The following DAB1 variants were observed in gnomAD, a reference collection of about 807,000 sequenced individuals.
DAB1 encodes the protein DAB adaptor protein 1.
In DAB1, 15 loss-of-function variants were observed where a neutral mutation model predicts 64.6. That is an observed-to-expected ratio of 0.23 (90% confidence interval 0.16 to 0.36). The LOEUF is 0.36. DAB1 is among the 10% of genes least tolerant of loss of function. The pLI is 1.00. For synonymous variants in DAB1, 235 were observed against 251.9 expected, an observed-to-expected ratio of 0.93 and a Z score of 0.64; for missense variants, 596 against 706.7, an observed-to-expected ratio of 0.84 and a Z score of 1.78.
intron 5 of DAB1, among the ~76,000 whole-genome samples, chr1:57,934,720 G>A (rs945846826): frequency 6.6e-6 from 1 of 152,124 alleles, no homozygotes; most frequent in East Asian, 1.9e-4. Context: ...CTAACTCTGA[G>A]GCTCGTATTC....
At chr1:58,029,692 A>G (rs776643580) in intron 5 of DAB1, among the ~76,000 whole-genome samples, 1 of 152,234 alleles carries the variant, frequency 6.6e-6, no homozygotes, top group African/African-American at 2.4e-5. Flanking sequence ...TAAAATGATC[A>G]GATGAGGAAA....
intron 2 of DAB1, among the ~76,000 whole-genome samples, chr1:57,177,344 C>T (rs1044811304): frequency 3.3e-5 from 5 of 152,112 alleles, no homozygotes; most frequent in Admixed American, 6.6e-5. Flanking sequence ...GTAGGATAAA[C>T]AGGTTAATAA....
At chr1:58,204,517 G>A (rs1570480679) in intron 4 of DAB1, among the ~76,000 whole-genome samples, 1 of 152,268 alleles carries the variant, frequency 6.6e-6, no homozygotes, top group South Asian at 2.1e-4. Context: ...GCATGGAAGG[G>A]CAGAAGCCCA....
chr1:58,417,328 C>T (rs1644730447), intron 3 of DAB1, among the ~76,000 whole-genome samples: 1 of 152,258 alleles, frequency 6.6e-6, no homozygotes, highest in African/African-American at 2.4e-5. Context: ...GGGGCGGGAT[C>T]TTGGGAGGAG....
chr1:57,650,987 A>G (rs1273448212), intron 6 of DAB1, among the ~76,000 whole-genome samples: 1 of 152,166 alleles, frequency 6.6e-6, no homozygotes, highest in African/African-American at 2.4e-5. Flanking sequence ...GTGTGAATGA[A>G]GGAACAAAAG....
chr1:57,712,459 T>C (rs1194285450), intron 6 of DAB1, among the ~76,000 whole-genome samples: 1 of 152,246 alleles, frequency 6.6e-6, no homozygotes, highest in Non-Finnish European at 1.5e-5. Context: ...TTTTTGGGAA[T>C]TGTGTAGCAA....
intron 9 of DAB1, among the ~76,000 whole-genome samples, chr1:57,031,094 T>G (rs1341754410): frequency 6.6e-6 from 1 of 152,220 alleles, no homozygotes; most frequent in African/African-American, 2.4e-5. Flanking sequence ...AGACTTTCCT[T>G]TTGCCAGATG....
intron 4 of DAB1, among the ~76,000 whole-genome samples, chr1:58,317,923 T>G (rs1385071793): frequency 1.3e-5 from 2 of 152,248 alleles, no homozygotes; most frequent in Non-Finnish European, 2.9e-5. Flanking sequence ...GACAGTGAGT[T>G]CTGCAAAGTC....
chr1:57,112,596 G>A (rs1158491311), intron 4 of DAB1, among the ~76,000 whole-genome samples: 4 of 152,070 alleles, frequency 2.6e-5, no homozygotes, highest in African/African-American at 9.7e-5. Flanking sequence ...AACTCAAGGG[G>A]CCAGTCATAA....
At chr1:57,134,192 C>A (rs1158260984) in intron 4 of DAB1, among the ~76,000 whole-genome samples, 1 of 152,148 alleles carries the variant, frequency 6.6e-6, no homozygotes, top group Admixed American at 6.6e-5. Context: ...TACTGATAAA[C>A]AGAAACCACC....
chr1:58,300,646 GAGGAAGGAAGGAAGGAAGGA>G (rs750819465), intron 4 of DAB1, among the ~76,000 whole-genome samples: 15 of 57,288 alleles, frequency 2.6e-4, no homozygotes, highest in African/African-American at 7.4e-4. Flanking sequence ...GAGAGAGAGA[GAGGAAGGAAGGAAGGAAGGA>G]AGGAAGGAAG....
chr1:57,009,199 G>A (rs747284217), intron 14 of DAB1, among the ~76,000 whole-genome samples: 10 of 152,298 alleles, frequency 6.6e-5, no homozygotes, highest in Middle Eastern at 3.4e-3. Flanking sequence ...GGTTGAGCAC[G>A]TGAAATACAA....
chr1:58,450,710 C>T (rs368564829), intron 3 of DAB1, among the ~76,000 whole-genome samples: 103 of 152,200 alleles, frequency 6.8e-4, no homozygotes, highest in Middle Eastern at 3.4e-3. Flanking sequence ...GCTGAGATCG[C>T]GCCACTGCAC....
At chr1:57,035,652 A>T (rs1383149230) in intron 9 of DAB1, among the ~76,000 whole-genome samples, 1 of 152,074 alleles carries the variant, frequency 6.6e-6, no homozygotes, top group African/African-American at 2.4e-5. Context: ...AAGTCAATTA[A>T]CCTCAGTTTT....
chr1:57,034,654 A>T (rs965686580), intron 9 of DAB1, among the ~76,000 whole-genome samples: 3 of 152,258 alleles, frequency 2.0e-5, no homozygotes, highest in African/African-American at 4.8e-5. Context: ...ATACATGTAT[A>T]TCTTAATGGC....
chr1:57,529,763 C>T (rs1184400200), intron 7 of DAB1, among the ~76,000 whole-genome samples: 30 of 152,050 alleles, frequency 2.0e-4, no homozygotes, highest in Admixed American at 2.0e-3. Context: ...AAAACCCAAC[C>T]ACCAAAAATA....
intron 3 of DAB1, among the ~76,000 whole-genome samples, chr1:58,477,285 T>C (rs779729983): frequency 1.1e-4 from 17 of 152,218 alleles, no homozygotes; most frequent in Non-Finnish European, 1.5e-4. Context: ...TAATGAAAAT[T>C]TGCTATCATA....
In DAB1 at chr1:57,116,962, C is replaced by G. The variant is rs148957968; in HGVS notation, c.306+19581G>C. 9.2e-3 allele frequency among the ~76,000 whole-genome samples: 1,395 copies of G among 152,186 alleles called. 22 individuals carry two copies. Among genetic ancestry groups the G allele is most frequent in the African/African-American group, 0.032 (1,311 of 41,514 alleles). On this transcript the variant is annotated intron_variant, in intron 4 of 14. Coordinates refer to ENST00000371236, the MANE Select transcript of DAB1 (RefSeq NM_001365792.1). The stretch of plus-strand genomic sequence containing the variant: ...AATAGAGATCTTAGTTACTTCATCC[C>G]GGCACTCTGCAAACATTGTCCAGCA...
chr1:57,385,242 A>C (rs12405761), intron 1 of DAB1, among the ~76,000 whole-genome samples: 63,194 of 152,096 alleles, frequency 0.42, 13,721 homozygotes, highest in African/African-American at 0.47. Context: ...ATTTTGGAAA[A>C]AGAGAAATAG....
Sources: gnomAD v4.1 joint callset for allele counts (sites outside exome capture counted in the v4.1 genomes callset) on GRCh38, gnomAD v4.1.1 for gene constraint, MANE v1.5 for transcripts, NCBI Gene and HGNC (gene_info 2026-07-23, HGNC 2026-07-21) for gene names.